EPB41L1: variants seen among roughly 807,000 people sequenced by gnomAD.
The protein encoded by EPB41L1 is band 4.1-like protein 1.
Under a neutral mutation model 97.8 loss-of-function variants are expected in EPB41L1, and 29 were observed. The observed-to-expected ratio is 0.30, with a 90% CI of 0.22 to 0.40. EPB41L1 has a LOEUF of 0.40. Among genes scored for constraint, EPB41L1 ranks in the 10% least tolerant of loss-of-function variants. The pLI is 1.00. For synonymous variants in EPB41L1, 383 were observed against 459.2 expected (o/e 0.83, Z 2.12); for missense variants, 812 against 1,162.3 (o/e 0.70, Z 4.38).
intron 14 of EPB41L1, 46 bp downstream of exon 14, chr20:36,198,087 A>T (rs1040918937): frequency 1.3e-6 from 2 of 1,561,130 alleles, no homozygotes; most frequent in Non-Finnish European, 1.8e-6. Flanking sequence ...GGGTAAAGAG[A>T]CATTGGGTTG....
At chr20:36,203,943 G>A (rs757475460) in intron 14 of EPB41L1, among the ~76,000 whole-genome samples, 3 of 152,028 alleles carry the variant, frequency 2.0e-5, no homozygotes, top group Non-Finnish European at 4.4e-5. Context: ...CTGTGGGGTG[G>A]GATTAACAGA....
chr20:36,146,333 T>C (rs1169826426), intron 2 of EPB41L1, among the ~76,000 whole-genome samples: 1 of 152,220 alleles, frequency 6.6e-6, no homozygotes, highest in Non-Finnish European at 1.5e-5. Flanking sequence ...ATAACTTCCC[T>C]GTCCTCAAGC....
At chr20:36,131,618 A>G (rs2147759181) in intron 2 of EPB41L1, among the ~76,000 whole-genome samples, 1 of 152,170 alleles carries the variant, frequency 6.6e-6, no homozygotes, top group Admixed American at 6.5e-5. Context: ...ACAGGGAGCT[A>G]CCTCACAGGG....
intron 1 of EPB41L1, among the ~76,000 whole-genome samples, chr20:36,167,285 G>A (rs907344192): frequency 9.9e-5 from 15 of 152,138 alleles, no homozygotes; most frequent in African/African-American, 3.4e-4. Flanking sequence ...GGCGGCTTGG[G>A]GAGGGAATAG....
chr20:36,169,043 T>A (rs6142527), intron 1 of EPB41L1, among the ~76,000 whole-genome samples: 1 of 151,190 alleles, frequency 6.6e-6, no homozygotes, highest in Non-Finnish European at 1.5e-5. Flanking sequence ...CTGGCCAAGA[T>A]GGTGAAACCC....
chr20:36,210,894 G>A (rs1468335720), intron 15 of EPB41L1, among the ~76,000 whole-genome samples: 1 of 152,128 alleles, frequency 6.6e-6, no homozygotes, highest in Non-Finnish European at 1.5e-5. Context: ...TTACAGGGTT[G>A]CAACCATCTA....
chr20:36,187,787 C>T (rs566523826), intron 8 of EPB41L1, 24 bp downstream of exon 8: 11 of 1,607,448 alleles, frequency 6.8e-6, no homozygotes, highest in African/African-American at 2.7e-5. Context: ...CCTGGGTTCC[C>T]CTAGTGTCTG....
intron 17 of EPB41L1, among the ~76,000 whole-genome samples, chr20:36,215,979 T>C (rs999827410): frequency 8.6e-5 from 13 of 152,002 alleles, no homozygotes; most frequent in African/African-American, 2.9e-4. Context: ...TTCTGTAAAA[T>C]GGGTGAGGGT....
intron 21 of EPB41L1, among the ~76,000 whole-genome samples, chr20:36,228,434 C>T (rs1302942743): frequency 6.6e-6 from 1 of 152,154 alleles, no homozygotes; most frequent in Non-Finnish European, 1.5e-5. Flanking sequence ...GGCACTGTGG[C>T]GTGCACCTGT....
At chr20:36,133,771 C>T (rs1040292851) in intron 2 of EPB41L1, among the ~76,000 whole-genome samples, 6 of 151,174 alleles carry the variant, frequency 4.0e-5, no homozygotes, top group African/African-American at 7.3e-5. Flanking sequence ...GCGGGAGGAT[C>T]GCTTGAGCCT....
At chr20:36,126,016 G>A (rs902741391) in intron 2 of EPB41L1, among the ~76,000 whole-genome samples, 1 of 152,066 alleles carries the variant, frequency 6.6e-6, no homozygotes, top group Admixed American at 6.6e-5. Context: ...TTTCTCGATG[G>A]GGGGCTGACG....
intron 6 of EPB41L1, 73 bp from the exon 7 acceptor site, chr20:36,185,044 A>C: frequency 7.5e-6 from 11 of 1,467,274 alleles, no homozygotes; most frequent in Non-Finnish European, 9.5e-6. Context: ...TTTAGTTCTG[A>C]TGGACAGCTG....
chr20:36,218,995 C>T (rs1228940818), intron 18 of EPB41L1, 33 bp downstream of exon 18: 1 of 1,603,826 alleles, frequency 6.2e-7, no homozygotes, highest in Admixed American at 1.7e-5. Context: ...GGCTAGGGGA[C>T]TCCACACTGA....
chr20:36,192,367 C>A (rs550844256), intron 11 of EPB41L1, among the ~76,000 whole-genome samples: 2 of 152,070 alleles, frequency 1.3e-5, no homozygotes, highest in South Asian at 4.2e-4. Context: ...CTCGTCTCTA[C>A]TAAAAATACA....
At chr20:36,150,533 T>G (rs550980500), upstream of EPB41L1, 1 of 152,308 alleles carries the variant, frequency 6.6e-6, no homozygotes, top group East Asian at 1.9e-4. Context: ...TTATAAGGGT[T>G]GAAGCTCAGA....
At chr20:36,130,653 A>T (rs1201046567) in intron 2 of EPB41L1, among the ~76,000 whole-genome samples, 1 of 152,194 alleles carries the variant, frequency 6.6e-6, no homozygotes, top group East Asian at 1.9e-4. Flanking sequence ...TGCTGGGTAA[A>T]AGGCTGTGGC....
intron 2 of EPB41L1, among the ~76,000 whole-genome samples, chr20:36,135,214 T>C (rs1386224938): frequency 1.3e-5 from 2 of 152,170 alleles, no homozygotes; most frequent in Non-Finnish European, 2.9e-5. Flanking sequence ...CTTGAAATAT[T>C]ACGTTTACTT....
At chr20:36,177,843 A>G in intron 3 of EPB41L1, 109 bp from the exon 4 acceptor site, 1 of 874,636 alleles carries the variant, frequency 1.1e-6, no homozygotes, top group Non-Finnish European at 1.9e-6. Context: ...CTGTCCAGAC[A>G]CCGAAAGGCC....
At chr20:36,205,592 T>C (rs1309324233) in intron 14 of EPB41L1, among the ~76,000 whole-genome samples, 1 of 152,166 alleles carries the variant, frequency 6.6e-6, no homozygotes, top group East Asian at 1.9e-4. Context: ...TAAGACCCCA[T>C]CCCATTTTAT....
Sources: allele counts gnomAD v4.1 joint callset (sites outside exome capture counted in the v4.1 genomes callset), GRCh38; gene constraint gnomAD v4.1.1; transcripts MANE v1.5; gene names NCBI Gene and HGNC (gene_info 2026-07-23, HGNC 2026-07-21).